The following TASP1 variants were observed in gnomAD, a reference collection of about 807,000 sequenced individuals.
The protein encoded by TASP1 is taspase 1, also known as threonine aspartase 1.
TASP1 carries 16 observed loss-of-function variants against 56.6 expected under a neutral mutation model. That is an observed-to-expected ratio of 0.28 (90% confidence interval 0.19 to 0.43). The LOEUF (loss-of-function observed/expected upper bound fraction) is 0.43. Among genes scored for constraint, TASP1 ranks in the 20% least tolerant of loss-of-function variants. TASP1 has a pLI of 1.00. For synonymous variants in TASP1, 179 were observed against 184.2 expected, an observed-to-expected ratio of 0.97 and a Z score of 0.23; for missense variants, 393 against 511.6, an observed-to-expected ratio of 0.77 and a Z score of 2.24.
the TASP1 span, among the ~76,000 whole-genome samples, chr20:13,345,530 C>A: frequency 6.6e-6 from 1 of 152,224 alleles, no homozygotes; most frequent in Non-Finnish European, 1.5e-5. Flanking sequence ...GAGTTGAACA[C>A]CTTTGGGTGT....
intron 13 of TASP1, chr20:13,392,772 C>T: frequency 1.7e-6 from 1 of 602,946 alleles, no homozygotes; most frequent in Non-Finnish European, 3.2e-6. Flanking sequence ...TTCTCACCAT[C>T]AGTGACCCCT....
chr20:13,393,160 C>A, intron 13 of TASP1: 1 of 671,460 alleles, frequency 1.5e-6, no homozygotes. Flanking sequence ...CTGGCCAAAG[C>A]CATCTATGAC....
At chr20:13,391,661 G>A (rs2041283873) in intron 13 of TASP1, among the ~76,000 whole-genome samples, 1 of 152,110 alleles carries the variant, frequency 6.6e-6, no homozygotes. Flanking sequence ...TATCTCCAGA[G>A]TTCTTTTTGA....
At chr20:13,355,270 T>A in the TASP1 span, among the ~76,000 whole-genome samples, 5 of 152,246 alleles carry the variant, frequency 3.3e-5, no homozygotes, top group African/African-American at 9.6e-5. Flanking sequence ...TATGTTATTT[T>A]AAAAAAACTT....
chr20:13,406,515 A>G (rs1284120322), intron 13 of TASP1, among the ~76,000 whole-genome samples: 1 of 152,100 alleles, frequency 6.6e-6, no homozygotes, highest in Non-Finnish European at 1.5e-5. Context: ...AGAAGTGATG[A>G]GTGGATGCCC....
At chr20:13,109,095 A>G in the TASP1 span, among the ~76,000 whole-genome samples, 6,543 of 152,298 alleles carry the variant, frequency 0.043, 450 homozygotes, top group African/African-American at 0.14. Flanking sequence ...ATACACACAC[A>G]TGTACATATA....
At chr20:13,543,086 G>A (rs1190618764) in intron 8 of TASP1, among the ~76,000 whole-genome samples, 1 of 152,134 alleles carries the variant, frequency 6.6e-6, no homozygotes, top group African/African-American at 2.4e-5. Flanking sequence ...CTTTCTCTGT[G>A]TATCACCTAA....
the TASP1 span, among the ~76,000 whole-genome samples, chr20:13,214,519 GCACACACACACACACACACACACA>G: frequency 3.1e-4 from 36 of 115,782 alleles, no homozygotes; most frequent in African/African-American, 9.9e-4. Flanking sequence ...ACAGAGACAG[GCACACACACACACACACACACACA>G]CACACACACA....
At chr20:13,183,403 G>C in the TASP1 span, among the ~76,000 whole-genome samples, 1 of 152,190 alleles carries the variant, frequency 6.6e-6, no homozygotes, top group Non-Finnish European at 1.5e-5. Context: ...TAATGTTTGG[G>C]TTGATTTGTT....
chr20:13,311,281 A>T, the TASP1 span, among the ~76,000 whole-genome samples: 1 of 151,830 alleles, frequency 6.6e-6, no homozygotes, highest in East Asian at 1.9e-4. Flanking sequence ...AGATAGATAG[A>T]TAATAAAATA....
chr20:13,620,265 TACACACACAC>T (rs757563847), intron 4 of TASP1, among the ~76,000 whole-genome samples: 72 of 145,770 alleles, frequency 4.9e-4, no homozygotes, highest in Middle Eastern at 6.9e-3. Context: ...CTGTGGTATT[TACACACACAC>T]ACACACACAC....
chr20:13,458,355 T>C (rs777355026), intron 11 of TASP1, among the ~76,000 whole-genome samples: 2 of 152,146 alleles, frequency 1.3e-5, no homozygotes, highest in Admixed American at 6.6e-5. Context: ...TTTCGTTTGT[T>C]TGTTTGTTTT....
At chr20:13,574,980 C>A (rs2046846762) in intron 6 of TASP1, among the ~76,000 whole-genome samples, 2 of 151,924 alleles carry the variant, frequency 1.3e-5, no homozygotes, top group Non-Finnish European at 2.9e-5. Flanking sequence ...CCCCACACAT[C>A]CAAAAAGCAA....
At chr20:13,275,701 T>C in the TASP1 span, among the ~76,000 whole-genome samples, 1 of 152,228 alleles carries the variant, frequency 6.6e-6, no homozygotes, top group Admixed American at 6.5e-5. Context: ...AGATCATCCA[T>C]ATGAAGTGCT....
chr20:13,290,967 C>G, the TASP1 span, among the ~76,000 whole-genome samples: 7 of 152,206 alleles, frequency 4.6e-5, no homozygotes, highest in Non-Finnish European at 8.8e-5. Context: ...TCATTAAACT[C>G]TTTGGTCTTT....
chr20:13,265,723 T>C, the TASP1 span, among the ~76,000 whole-genome samples: 627 of 152,314 alleles, frequency 4.1e-3, 4 homozygotes, highest in African/African-American at 0.014. Flanking sequence ...TTACTTTCAA[T>C]GGCAAAACCT....
the TASP1 span, among the ~76,000 whole-genome samples, chr20:13,350,794 A>G: frequency 6.6e-6 from 1 of 151,952 alleles, no homozygotes. Context: ...TAGGCACATG[A>G]GATTCTCCTG....
chr20:13,330,144 A>G, the TASP1 span, among the ~76,000 whole-genome samples: 1 of 151,886 alleles, frequency 6.6e-6, no homozygotes, highest in African/African-American at 2.4e-5. Context: ...TTTAATGGAG[A>G]TGGAGTTTCA....
At chr20:13,191,683 G>A in the TASP1 span, among the ~76,000 whole-genome samples, 1 of 152,120 alleles carries the variant, frequency 6.6e-6, no homozygotes, top group Non-Finnish European at 1.5e-5. Flanking sequence ...AGTGCAATTA[G>A]GTGACTACAG....
Sources: allele counts gnomAD v4.1 joint callset (sites outside exome capture counted in the v4.1 genomes callset), GRCh38; gene constraint gnomAD v4.1.1; transcripts MANE v1.5; gene names NCBI Gene and HGNC (gene_info 2026-07-23, HGNC 2026-07-21).